The following ZNFX1 variants were observed in gnomAD, a reference collection of about 807,000 sequenced individuals.
The protein encoded by ZNFX1 is NFX1-type zinc finger-containing protein 1.
ZNFX1 carries 78 observed loss-of-function variants against 179.8 expected under a neutral mutation model. That is an observed-to-expected ratio of 0.43 (90% confidence interval 0.36 to 0.52). ZNFX1 has a LOEUF of 0.52. ZNFX1 is among the 20% of genes least tolerant of loss of function. ZNFX1 has a pLI of 0.00. For missense variants in ZNFX1, 1,927 were observed against 2,386.6 expected, an observed-to-expected ratio of 0.81 and a Z score of 4.01; for synonymous variants, 848 against 868.5, an observed-to-expected ratio of 0.98 and a Z score of 0.42.
At chr20:49,273,659 G>A (rs1473976982) in intron 2 of ZNFX1, among the ~76,000 whole-genome samples, 1 of 152,182 alleles carries the variant, frequency 6.6e-6, no homozygotes, top group African/African-American at 2.4e-5. Context: ...GCCAGGTGTG[G>A]TGGCTCATGC....
rs766531953 is a variant in ZNFX1, at chr20:49,271,269, A to G, written c.543T>C (p.Ser181=). 1.2e-6 allele frequency: 2 copies of G among 1,614,226 alleles called. No homozygotes were observed. The highest frequency in any genetic ancestry group is 2.2e-5 in the South Asian group (2 of 91,090). ...CCTGACAGATGAGCTCAAGGAAGTTAGATTTCATGGAAGAATGAGAAAGGA... is the reference window on the plus strand; with the variant it reads ...CCTGACAGATGAGCTCAAGGAAGTTGGATTTCATGGAAGAATGAGAAAGGA... The part of the protein sequence containing the change: ...KELLSHSSMK[S]NFLELICQVL... Residue 181 remains serine (S), a synonymous_variant, in exon 3 of 14, where the codon TCT becomes TCC. Transcript: ENST00000396105.
rs969812798 is a variant in ZNFX1 at position 49,247,158 on chromosome 20, C to T, written c.*109G>A. ...CTGGGATTACAGGCGTAAGCCACTG[C>T]GCCCAGCCTAAAAAGGATGATAATA... On this transcript the variant is annotated 3_prime_UTR_variant, in exon 14 of 14. Transcript: ENST00000396105. 1.6e-5 allele frequency: 23 copies of T among 1,450,926 alleles called. No individual in the cohort carries two copies. The highest frequency in any genetic ancestry group is 1.4e-4 in the East Asian group (6 of 43,636). 89.9% of individuals were successfully genotyped at this position (1,450,926 alleles called of 1,614,324 possible).
intron 1 of ZNFX1, 198 bp downstream of exon 1, chr20:49,277,823 T>A: frequency 3.4e-5 from 1 of 29,728 alleles, no homozygotes; most frequent in Non-Finnish European, 6.4e-5. Context: ...AGGCTCTGAG[T>A]GGGTGATGGG....
chr20:49,258,580 TG>T (rs2146734034), intron 7 of ZNFX1, among the ~76,000 whole-genome samples: 1 of 143,942 alleles, frequency 6.9e-6, no homozygotes, highest in African/African-American at 2.6e-5. Flanking sequence ...CTGAGGTGGG[TG>T]GATCACCTGA....
chr20:49,269,654 C>A lies in ZNFX1; in HGVS notation c.1870+288G>T, dbSNP rs1421002735. 3.9e-5 allele frequency among the ~76,000 whole-genome samples: 6 copies of A among 152,296 alleles called. No individual in the cohort carries two copies. The East Asian group carries it at 1.2e-3, about 29-fold the overall frequency. ...CGGAATCGTGCCACTGCACTCCAGC[C>A]TGGGTGACAGAGTAAGACTCTGTCT... On this transcript the variant is annotated intron_variant, in intron 3 of 13. Transcript: ENST00000396105.
chr20:49,253,883 G>T (rs1600986647), intron 10 of ZNFX1, 72 bp from the exon 11 acceptor site: 2 of 1,566,386 alleles, frequency 1.3e-6, no homozygotes, highest in African/African-American at 2.7e-5. Flanking sequence ...TGGGCCTCTG[G>T]GAATCCACTT....
At chr20:49,266,604 T>TG (rs1428433552) in intron 3 of ZNFX1, among the ~76,000 whole-genome samples, 1 of 151,676 alleles carries the variant, frequency 6.6e-6, no homozygotes, top group Non-Finnish European at 1.5e-5. Context: ...CATCTTGATT[T>TG]TTTTCACTTA....
At position 49,271,598 on chromosome 20, in the gene ZNFX1, C is replaced by G. The variant is rs1189493154; in HGVS notation, c.214G>C (p.Ala72Pro). ...CCTTGATGTGGGTTCCTGCCCATGG[C>G]CCTAAATCTCTCTTCCCTCTGCCAG... The part of the protein sequence containing the change: ...AYWQREERFR[A>P]MGRNPHQGRR... Residue 72 changes from alanine to proline, a missense_variant, in exon 3 of 14, where the codon GCC becomes CCC. By Grantham distance (27) the Ala-to-Pro change is conservative. Coordinates refer to ENST00000396105, the MANE Select transcript of ZNFX1 (RefSeq NM_021035.3). 1 of 1,614,136 alleles carries G rather than the reference C, an allele frequency of 6.2e-7. No individual in the cohort carries two copies. Among genetic ancestry groups the G allele is most frequent in the Non-Finnish European group, 8.5e-7 (1 of 1,180,022 alleles).
chr20:49,253,536 G>T, intron 11 of ZNFX1, 130 bp downstream of exon 11: 1 of 1,121,640 alleles, frequency 8.9e-7, no homozygotes, highest in Non-Finnish European at 1.3e-6. Flanking sequence ...AACGTGGGAG[G>T]TGAAGACAAG....
At position 49,253,670 on chromosome 20, in the gene ZNFX1, T is replaced by C. The variant is rs745447219; in HGVS notation, c.3101A>G (p.Gln1034Arg). The C allele has an allele frequency of 5.0e-6, 8 of 1,613,978 alleles. No homozygotes were observed. The highest frequency in any genetic ancestry group is 1.7e-4 in the Middle Eastern group (1 of 6,004). The change falls in exon 11 of 14, where the codon CAG becomes CGG. Residue 1034 changes from glutamine to arginine, a missense_variant. Transcript: ENST00000396105. ...CTAGGGGGACTCTCGTTTTACCTGC[T>C]GGTGGTCCCCAATCAAAATGAGGTG... ...CQHLILIGDH[Q>R]QLRPSANVYD...
chr20:49,257,370 G>A (rs760351807), intron 8 of ZNFX1, 47 bp downstream of exon 8: 16 of 1,606,426 alleles, frequency 1.0e-5, no homozygotes, highest in South Asian at 5.5e-5. Flanking sequence ...GAAAACAAGC[G>A]GTCAGAACAC....
At chr20:49,276,251 AAT>A (rs902475109) in intron 1 of ZNFX1, among the ~76,000 whole-genome samples, 24 of 152,330 alleles carry the variant, frequency 1.6e-4, no homozygotes, top group South Asian at 6.2e-4. Flanking sequence ...AGAAGCAGAC[AAT>A]ATTGTTGCCA....
intron 3 of ZNFX1, 72 bp downstream of exon 3, chr20:49,269,870 C>A: frequency 2.7e-6 from 4 of 1,481,518 alleles, no homozygotes; most frequent in African/African-American, 1.4e-5. Context: ...TTCTAGAAAC[C>A]TAGAGTGAAG....
intron 2 of ZNFX1, among the ~76,000 whole-genome samples, chr20:49,274,984 G>A (rs1464950902): frequency 6.7e-6 from 1 of 148,498 alleles, no homozygotes; most frequent in Non-Finnish European, 1.5e-5. Flanking sequence ...TTAGCCGGGC[G>A]TGGTGGTGGG....
chr20:49,252,962 A>C, intron 11 of ZNFX1, 132 bp from the exon 12 acceptor site: 1 of 682,978 alleles, frequency 1.5e-6, no homozygotes, highest in Non-Finnish European at 2.6e-6. Flanking sequence ...CTACATACTC[A>C]CAGTTTAAGG....
chr20:49,254,685 A>G, intron 9 of ZNFX1, 36 bp from the exon 10 acceptor site: 2 of 1,605,768 alleles, frequency 1.2e-6, no homozygotes, highest in Non-Finnish European at 8.5e-7. Context: ...AGAAAGCCAC[A>G]TGCTCTTTGA....
At chr20:49,272,464 G>A (rs757058261) in intron 2 of ZNFX1, among the ~76,000 whole-genome samples, 1 of 152,180 alleles carries the variant, frequency 6.6e-6, no homozygotes, top group Non-Finnish European at 1.5e-5. Context: ...GATTACAGGC[G>A]TAAGCCACCG....
chr20:49,253,777 C>T lies in ZNFX1; in HGVS notation c.2994G>A (p.Val998=). ...CTTCCACTATGACAATCCTCGGCTC[C>T]ACCTTCTGTAGGATCTGGCGGTATT... ...AAKYRQILQK[V]EPRIVIVEEA... The change falls in exon 11 of 14, where the codon GTG becomes GTA. Residue 998 remains valine (V), a synonymous_variant. Coordinates refer to ENST00000396105, the MANE Select transcript of ZNFX1 (RefSeq NM_021035.3). 6.2e-7 allele frequency: 1 copy of T among 1,614,186 alleles called. No individual in the cohort carries two copies. The highest frequency in any genetic ancestry group is 8.5e-7 in the Non-Finnish European group (1 of 1,180,030).
At chr20:49,253,955 C>T (rs781252534) in intron 10 of ZNFX1, 144 bp from the exon 11 acceptor site, 14 of 932,468 alleles carry the variant, frequency 1.5e-5, no homozygotes, top group Non-Finnish European at 2.1e-5. Context: ...GGGTGGTCTC[C>T]AGAACATTAA....
Sources: gnomAD v4.1 joint callset for allele counts (sites outside exome capture counted in the v4.1 genomes callset) on GRCh38, gnomAD v4.1.1 for gene constraint, MANE v1.5 for transcripts, NCBI Gene and HGNC (gene_info 2026-07-23, HGNC 2026-07-21) for gene names.